CMKLR2: variants seen among roughly 807,000 people sequenced by gnomAD.
The protein encoded by CMKLR2 is chemerin-like receptor 2.
A neutral mutation model predicts 23.0 loss-of-function variants in CMKLR2; 18 were observed. The ratio of observed to expected loss-of-function variants is 0.78; its 90% CI spans 0.54 to 1.16. The LOEUF (loss-of-function observed/expected upper bound fraction) is 1.16, where lower values mean the gene tolerates loss of function less well. Among genes scored for constraint, CMKLR2 ranks in the 50% most tolerant of loss-of-function variants. The pLI is 0.00. For synonymous variants in CMKLR2, 158 were observed against 158.9 expected (o/e 0.99, Z 0.05); for missense variants, 401 against 412.7 (o/e 0.97, Z 0.25).
Position 206,175,853 on chromosome 2 carries a change from A to G in CMKLR2, c.*327T>C, listed in dbSNP as rs907790666. On this transcript the variant is annotated 3_prime_UTR_variant, in exon 2 of 2. Coordinates refer to ENST00000621141, the MANE Select transcript of CMKLR2 (RefSeq NM_001389445.1). ...TTAGAAAAGTTATTATTCAAAAAATAACTGATATTGCTTCAAAAGTGATTA... is the reference window on the plus strand; with the variant it reads ...TTAGAAAAGTTATTATTCAAAAAATGACTGATATTGCTTCAAAAGTGATTA... 5 of 187,296 alleles carry G rather than the reference A, an allele frequency of 2.7e-5. No homozygotes were observed. Among genetic ancestry groups the G allele is most frequent in the African/African-American group, 1.2e-4 (5 of 42,730 alleles). 11.6% of individuals were successfully genotyped at this position (187,296 alleles called of 1,614,324 possible). A position where few individuals can be genotyped will look rare whatever the true frequency, so the allele number is the denominator to read the frequency against.
rs547513733 is a variant in CMKLR2 at position 206,182,310 on chromosome 2, C to CAT, written c.-28-5037_-28-5036dup. Among the ~76,000 whole-genome samples the CAT allele has an allele frequency of 1.5e-4, 23 of 152,294 alleles. No individual in the cohort carries two copies. The East Asian group carries it at 4.2e-3, about 28-fold the overall frequency. ...GATCTAAAGTCAGATCTGTTGGACCCATGGCCTGAGCTCTTAACCACTACA... is the reference window on the plus strand; with the variant it reads ...GATCTAAAGTCAGATCTGTTGGACCCATATGGCCTGAGCTCTTAACCACTACA... On this transcript the variant is annotated intron_variant, in intron 1 of 1. Transcript: ENST00000621141.
At chr2:206,195,241 G>T (rs1168717554) in intron 1 of CMKLR2, among the ~76,000 whole-genome samples, 1 of 152,138 alleles carries the variant, frequency 6.6e-6, no homozygotes, top group East Asian at 1.9e-4. Flanking sequence ...GAGGGGACTT[G>T]AAATTAGTCT....
At chr2:206,204,148 C>T (rs1381184823) in intron 1 of CMKLR2, among the ~76,000 whole-genome samples, 14 of 152,058 alleles carry the variant, frequency 9.2e-5, no homozygotes, top group East Asian at 7.8e-4. Context: ...GTCAGGAGAT[C>T]GAGACCATCC....
chr2:206,200,359 G>A (rs141280097), intron 1 of CMKLR2, among the ~76,000 whole-genome samples: 2,752 of 152,180 alleles, frequency 0.018, 80 homozygotes, highest in East Asian at 0.12. Context: ...GGAGGCGGAG[G>A]ATGCGGTGAG....
At position 206,176,504 on chromosome 2, in the gene CMKLR2, A is replaced by C. The variant is rs1210503671; in HGVS notation, c.744T>G (p.Ile248Met). The C allele has an allele frequency of 6.2e-7, 1 of 1,614,076 alleles. No individual in the cohort carries two copies. Residue 248 changes from isoleucine to methionine, a missense_variant, in exon 2 of 2, where the codon ATT (isoleucine) becomes ATG (methionine). Physicochemically the swap from Ile to Met is conservative, Grantham distance 10. Transcript: ENST00000621141. ...ILISSRHFWT[I>M]LVVVVAFVVC... ...CCACAAAGGCCACAACCACAACCAGAATTGTCCAGAAATGCCTACTGGAGA... is the reference window on the plus strand; with the variant it reads ...CCACAAAGGCCACAACCACAACCAGCATTGTCCAGAAATGCCTACTGGAGA...
chr2:206,216,755 C>T (rs1055013258), upstream of CMKLR2, among the ~76,000 whole-genome samples: 14 of 152,100 alleles, frequency 9.2e-5, no homozygotes, highest in Non-Finnish European at 1.6e-4. Flanking sequence ...GAAAACTGTT[C>T]TTTTGAAGAT....
intron 1 of CMKLR2, among the ~76,000 whole-genome samples, chr2:206,181,557 A>G (rs183900397): frequency 1.8e-3 from 281 of 152,324 alleles, no homozygotes; most frequent in African/African-American, 6.6e-3. Context: ...CAAAAGCCTT[A>G]CTAATGACAT....
intron 1 of CMKLR2, among the ~76,000 whole-genome samples, chr2:206,179,162 C>G (rs1352130396): frequency 7.2e-6 from 1 of 138,706 alleles, no homozygotes; most frequent in Non-Finnish European, 1.5e-5. Flanking sequence ...CTCAACCTCA[C>G]CTCCCGGGTT....
intron 1 of CMKLR2, among the ~76,000 whole-genome samples, chr2:206,206,700 A>G (rs1689330514): frequency 1.3e-5 from 2 of 152,150 alleles, no homozygotes; most frequent in Non-Finnish European, 2.9e-5. Context: ...GCTTACCTTC[A>G]TACTCCCAGA....
At chr2:206,210,736 C>T (rs1047439551) in intron 1 of CMKLR2, among the ~76,000 whole-genome samples, 1 of 152,118 alleles carries the variant, frequency 6.6e-6, no homozygotes, top group Non-Finnish European at 1.5e-5. Context: ...GCTCGGATTA[C>T]ACGCATGAGC....
upstream of CMKLR2, among the ~76,000 whole-genome samples, chr2:206,214,064 G>A (rs1445427274): frequency 6.6e-6 from 1 of 151,866 alleles, no homozygotes; most frequent in Non-Finnish European, 1.5e-5. Flanking sequence ...ACGTTGGCCC[G>A]GCTAGTCTTG....
chr2:206,212,504 C>A (rs1036390792), intron 1 of CMKLR2, among the ~76,000 whole-genome samples: 1 of 151,790 alleles, frequency 6.6e-6, no homozygotes, highest in Non-Finnish European at 1.5e-5. Flanking sequence ...AGCATTATTG[C>A]CAGTGAAAGT....
chr2:206,210,287 T>G (rs1251310561), intron 1 of CMKLR2, among the ~76,000 whole-genome samples: 1 of 152,134 alleles, frequency 6.6e-6, no homozygotes, highest in Non-Finnish European at 1.5e-5. Flanking sequence ...CTGAGGATAA[T>G]GGCTTCCAGC....
At chr2:206,202,878 TC>T (rs1689152211) in intron 1 of CMKLR2, among the ~76,000 whole-genome samples, 2 of 151,998 alleles carry the variant, frequency 1.3e-5, no homozygotes, top group Non-Finnish European at 2.9e-5. Context: ...CTGTACCCAC[TC>T]CAGCGCGTTT....
intron 1 of CMKLR2, among the ~76,000 whole-genome samples, chr2:206,204,709 G>A (rs1292481653): frequency 6.6e-6 from 1 of 152,088 alleles, no homozygotes; most frequent in Non-Finnish European, 1.5e-5. Context: ...ACAGGCATGA[G>A]CCACCGCACC....
At chr2:206,194,628 GT>G (rs2105818978) in intron 1 of CMKLR2, among the ~76,000 whole-genome samples, 1 of 151,016 alleles carries the variant, frequency 6.6e-6, no homozygotes, top group African/African-American at 2.4e-5. Flanking sequence ...TAGAGACAGG[GT>G]TTCACCATGT....
intron 1 of CMKLR2, among the ~76,000 whole-genome samples, chr2:206,207,650 C>CAAGGCT (rs1689377993): frequency 6.9e-6 from 1 of 144,756 alleles, no homozygotes; most frequent in South Asian, 2.2e-4. Flanking sequence ...ATTATTCCTA[C>CAAGGCT]AAGGCTAAGA....
intron 1 of CMKLR2, among the ~76,000 whole-genome samples, chr2:206,194,874 C>G (rs1306460376): frequency 6.6e-6 from 1 of 151,160 alleles, no homozygotes; most frequent in Non-Finnish European, 1.5e-5. Context: ...CTGCCTCAGG[C>G]TCCCAAGTAG....
intron 1 of CMKLR2, among the ~76,000 whole-genome samples, chr2:206,178,708 G>T (rs1170813382): frequency 6.6e-6 from 1 of 152,018 alleles, no homozygotes. Flanking sequence ...GGAATGCATG[G>T]CACGATCTCG....
Sources: gnomAD v4.1 joint callset for allele counts (sites outside exome capture counted in the v4.1 genomes callset) on GRCh38, gnomAD v4.1.1 for gene constraint, MANE v1.5 for transcripts, NCBI Gene and HGNC (gene_info 2026-07-23, HGNC 2026-07-21) for gene names.